Variants in CDK14 observed in about 807,000 individuals in gnomAD.
CDK14 encodes the protein cyclin-dependent kinase 14.
CDK14 carries 34 observed loss-of-function variants against 60.7 expected under a neutral mutation model. The observed-to-expected ratio is 0.56, with a 90% CI of 0.43 to 0.75. The LOEUF is 0.75. CDK14 is among the 30% of genes least tolerant of loss of function. The pLI is 0.00. For synonymous variants in CDK14, 197 were observed against 203.7 expected, an observed-to-expected ratio of 0.97 and a Z score of 0.28; for missense variants, 482 against 564.1, an observed-to-expected ratio of 0.85 and a Z score of 1.47.
At chr7:90,968,169 T>C (rs1374002177) in intron 9 of CDK14, among the ~76,000 whole-genome samples, 1 of 152,232 alleles carries the variant, frequency 6.6e-6, no homozygotes, top group Non-Finnish European at 1.5e-5. Flanking sequence ...TTTTAGATGC[T>C]ATATTATGTA....
At chr7:91,023,615 T>C (rs1047601418) in intron 10 of CDK14, among the ~76,000 whole-genome samples, 4 of 152,222 alleles carry the variant, frequency 2.6e-5, no homozygotes, top group African/African-American at 9.6e-5. Context: ...ATTTTAATTA[T>C]TACCACTACT....
chr7:90,947,925 CAGTT>C (rs1387889823), intron 8 of CDK14, among the ~76,000 whole-genome samples: 1 of 152,100 alleles, frequency 6.6e-6, no homozygotes, highest in African/African-American at 2.4e-5. Flanking sequence ...ACATAAATCA[CAGTT>C]AGTCTTACCT....
At chr7:91,040,498 A>T (rs1797058834) in intron 10 of CDK14, among the ~76,000 whole-genome samples, 1 of 152,220 alleles carries the variant, frequency 6.6e-6, no homozygotes, top group African/African-American at 2.4e-5. Flanking sequence ...GGACTTTCAG[A>T]GTTGCAGCTT....
intron 9 of CDK14, among the ~76,000 whole-genome samples, chr7:90,973,271 G>A (rs1794978570): frequency 6.6e-6 from 1 of 152,034 alleles, no homozygotes; most frequent in Admixed American, 6.6e-5. Context: ...ATAATAAGGG[G>A]CAGGTCTCCC....
chr7:91,025,303 T>C (rs1228441152), intron 10 of CDK14, among the ~76,000 whole-genome samples: 1 of 152,122 alleles, frequency 6.6e-6, no homozygotes, highest in East Asian at 1.9e-4. Context: ...CAGATGAGCC[T>C]GTTAAGGTAG....
chr7:90,858,556 AAT>A (rs1790902591), intron 5 of CDK14, among the ~76,000 whole-genome samples: 1 of 152,226 alleles, frequency 6.6e-6, no homozygotes, highest in Non-Finnish European at 1.5e-5. Flanking sequence ...AATGTTCAAT[AAT>A]ATGTTTCCAA....
chr7:90,991,459 C>G (rs185987170), intron 10 of CDK14, among the ~76,000 whole-genome samples: 3 of 151,916 alleles, frequency 2.0e-5, no homozygotes, highest in African/African-American at 7.3e-5. Flanking sequence ...TGACACAAAT[C>G]AAGGGAAGGG....
chr7:91,070,482 G>A (rs537783790), intron 11 of CDK14, among the ~76,000 whole-genome samples: 24 of 152,182 alleles, frequency 1.6e-4, no homozygotes, highest in Non-Finnish European at 2.6e-4. Context: ...GTTCAGGCTG[G>A]GCTTTGTGGC....
intron 5 of CDK14, among the ~76,000 whole-genome samples, chr7:90,810,906 C>A (rs1376777970): frequency 6.6e-6 from 1 of 151,962 alleles, no homozygotes; most frequent in African/African-American, 2.4e-5. Context: ...ATCCAACTTA[C>A]AAGGGACGTG....
At chr7:91,044,039 CTG>C (rs1797165429) in intron 10 of CDK14, among the ~76,000 whole-genome samples, 1 of 152,258 alleles carries the variant, frequency 6.6e-6, no homozygotes, top group East Asian at 1.9e-4. Flanking sequence ...GAGTCAAACT[CTG>C]TAAAATATTT....
At chr7:90,843,292 A>C (rs1429125124) in intron 5 of CDK14, among the ~76,000 whole-genome samples, 1 of 152,234 alleles carries the variant, frequency 6.6e-6, no homozygotes, top group Non-Finnish European at 1.5e-5. Flanking sequence ...TGTAACTCAT[A>C]TATACTTGTC....
rs762532996 is a variant in CDK14 at position 90,955,857 on chromosome 7, G to C, written c.947+40G>C. On this transcript the variant is annotated intron_variant, in intron 9 of 14. Coordinates refer to ENST00000380050, the MANE Select transcript of CDK14 (RefSeq NM_001287135.2). ...CTTTACTCTAGCTAATCTATCTGTA[G>C]TGCTTGGTCTGGGTCAAGCCTAGAC... is the stretch of plus-strand genomic sequence containing the variant. 4 of 1,608,614 alleles carry C rather than the reference G, an allele frequency of 2.5e-6. No homozygotes were observed. In the South Asian group the frequency reaches 3.3e-5, roughly 13 times the overall value.
intron 14 of CDK14, among the ~76,000 whole-genome samples, chr7:91,129,476 C>A (rs1350061527): frequency 1.3e-5 from 2 of 152,128 alleles, no homozygotes; most frequent in Non-Finnish European, 2.9e-5. Context: ...TAAGTCATTT[C>A]CACTGGATAC....
chr7:90,660,983 G>A (rs1800855376), intron 2 of CDK14, among the ~76,000 whole-genome samples: 1 of 152,174 alleles, frequency 6.6e-6, no homozygotes, highest in Non-Finnish European at 1.5e-5. Flanking sequence ...AGTCACAGGA[G>A]GTAGAAACTG....
chr7:91,059,033 C>A (rs1043568376), intron 11 of CDK14, among the ~76,000 whole-genome samples: 33 of 152,142 alleles, frequency 2.2e-4, no homozygotes, highest in Non-Finnish European at 5.9e-5. Flanking sequence ...CCGTCTGGTC[C>A]TGGACTTGTT....
chr7:90,935,594 TGTATACCTA>T (rs1354714017), intron 8 of CDK14, among the ~76,000 whole-genome samples: 3 of 152,246 alleles, frequency 2.0e-5, no homozygotes, highest in African/African-American at 7.2e-5. Context: ...CTTAATTGCA[TGTATACCTA>T]TCTTTACATA....
chr7:91,206,885 C>A (rs1029725079), intron 14 of CDK14, among the ~76,000 whole-genome samples: 3 of 152,090 alleles, frequency 2.0e-5, no homozygotes, highest in Admixed American at 1.3e-4. Flanking sequence ...TGCTGAATTT[C>A]TTTTTCTCTA....
intron 5 of CDK14, among the ~76,000 whole-genome samples, chr7:90,804,529 C>G (rs1177718151): frequency 6.6e-6 from 1 of 152,106 alleles, no homozygotes; most frequent in Non-Finnish European, 1.5e-5. Context: ...ATCCATGAGT[C>G]TAGACTGTAA....
At chr7:91,115,085 C>T (rs933958391) in intron 13 of CDK14, among the ~76,000 whole-genome samples, 4 of 152,084 alleles carry the variant, frequency 2.6e-5, no homozygotes, top group African/African-American at 4.8e-5. Context: ...AATACCCTTA[C>T]GTATTTCTTT....
Sources: allele counts gnomAD v4.1 joint callset (sites outside exome capture counted in the v4.1 genomes callset), GRCh38; gene constraint gnomAD v4.1.1; transcripts MANE v1.5; gene names NCBI Gene and HGNC (gene_info 2026-07-23, HGNC 2026-07-21).